The following TJP1 variants were observed in gnomAD, a reference collection of about 807,000 sequenced individuals.
TJP1 encodes tight junction protein 1.
TJP1 carries 43 observed loss-of-function variants against 194.2 expected under a neutral mutation model. The ratio of observed to expected loss-of-function variants is 0.22; its 90% CI spans 0.17 to 0.29. The LOEUF (loss-of-function observed/expected upper bound fraction) is 0.29. Among genes scored for constraint, TJP1 ranks in the 10% least tolerant of loss-of-function variants. The pLI is 1.00. For synonymous variants in TJP1, 801 were observed against 779.0 expected (o/e 1.03, Z -0.47); for missense variants, 1,971 against 2,185.7 (o/e 0.90, Z 1.96).
upstream of TJP1, chr15:29,822,542 G>A (rs2050483608): frequency 4.2e-6 from 4 of 957,268 alleles, no homozygotes; most frequent in Non-Finnish European, 5.0e-6. Flanking sequence ...GAGGCGAGGC[G>A]AGGCGGGGAG....
chr15:29,735,103 A>G (rs2043939622), intron 11 of TJP1, among the ~76,000 whole-genome samples: 1 of 152,240 alleles, frequency 6.6e-6, no homozygotes, highest in African/African-American at 2.4e-5. Context: ...TACTTCTATT[A>G]GAAGCTTCTA....
chr15:29,892,406 A>G (rs2053342099), intron 2 of TJP1, among the ~76,000 whole-genome samples: 1 of 152,238 alleles, frequency 6.6e-6, no homozygotes, highest in African/African-American at 2.4e-5. Flanking sequence ...ATCTGGTATG[A>G]TAATTGATAA....
At chr15:29,775,750 T>C (rs1023932391) in intron 2 of TJP1, among the ~76,000 whole-genome samples, 22 of 152,036 alleles carry the variant, frequency 1.4e-4, no homozygotes, top group Admixed American at 1.3e-4. Flanking sequence ...TTAGAAAACA[T>C]AAGACACTAC....
At chr15:29,706,542 C>CA (rs1404685848) in intron 25 of TJP1, among the ~76,000 whole-genome samples, 1 of 152,102 alleles carries the variant, frequency 6.6e-6, no homozygotes, top group African/African-American at 2.4e-5. Flanking sequence ...CTTCAGAACC[C>CA]AAGAAGTTTG....
intron 25 of TJP1, 90 bp from the exon 26 acceptor site, chr15:29,705,835 T>C: frequency 9.3e-7 from 1 of 1,070,736 alleles, no homozygotes; most frequent in East Asian, 2.4e-5. Flanking sequence ...CTTTCACTTT[T>C]ATTTCTCCAT....
At chr15:29,717,135 G>A (rs1329269416) in intron 22 of TJP1, among the ~76,000 whole-genome samples, 1 of 152,120 alleles carries the variant, frequency 6.6e-6, no homozygotes, top group Non-Finnish European at 1.5e-5. Context: ...AAGACAAAGG[G>A]CAATGTAACC....
intron 1 of TJP1, among the ~76,000 whole-genome samples, chr15:29,811,784 T>C (rs1567077387): frequency 6.6e-6 from 1 of 151,956 alleles, no homozygotes; most frequent in South Asian, 2.1e-4. Flanking sequence ...AATAAATAAA[T>C]GAATCCTCCT....
chr15:29,740,409 T>A (rs1595711174), intron 10 of TJP1, among the ~76,000 whole-genome samples: 1 of 152,066 alleles, frequency 6.6e-6, no homozygotes, highest in African/African-American at 2.4e-5. Context: ...GTGGACTGCT[T>A]GAGCCCAGGA....
intron 2 of TJP1, among the ~76,000 whole-genome samples, chr15:29,836,194 T>G (rs1324245259): frequency 6.6e-6 from 1 of 152,082 alleles, no homozygotes; most frequent in African/African-American, 2.4e-5. Context: ...AATACAGAGG[T>G]GGATCAGGAA....
chr15:29,724,321 AG>A (rs1362604412), intron 18 of TJP1, among the ~76,000 whole-genome samples: 4 of 152,220 alleles, frequency 2.6e-5, no homozygotes, highest in African/African-American at 9.6e-5. Context: ...CCTCTGAACA[AG>A]TCTCAATGGC....
intron 2 of TJP1, among the ~76,000 whole-genome samples, chr15:29,843,210 C>T (rs1343888501): frequency 2.0e-5 from 3 of 148,264 alleles, no homozygotes; most frequent in Non-Finnish European, 3.0e-5. Flanking sequence ...TTTTTTGAGA[C>T]GGAGTTTCGC....
At chr15:29,950,888 AT>A (rs1284635174) in intron 2 of TJP1, among the ~76,000 whole-genome samples, 1 of 152,140 alleles carries the variant, frequency 6.6e-6, no homozygotes, top group African/African-American at 2.4e-5. Flanking sequence ...GTAACCCCAT[AT>A]CCTTATCTGT....
intron 2 of TJP1, among the ~76,000 whole-genome samples, chr15:29,904,815 A>G (rs2053754535): frequency 1.3e-5 from 2 of 152,208 alleles, no homozygotes; most frequent in South Asian, 2.1e-4. Context: ...CCTAAGCACA[A>G]TGACTGGTGT....
intron 27 of TJP1, among the ~76,000 whole-genome samples, chr15:29,703,795 A>T (rs771981234): frequency 6.6e-6 from 1 of 151,992 alleles, no homozygotes; most frequent in Non-Finnish European, 1.5e-5. Context: ...GGTGTGTGCC[A>T]CCACGCCTGG....
intron 2 of TJP1, among the ~76,000 whole-genome samples, chr15:29,901,820 CAA>C (rs35491657): frequency 1.9e-3 from 223 of 119,906 alleles, no homozygotes; most frequent in Middle Eastern, 5.0e-3. Context: ...GACTCTATCT[CAA>C]AAAAAAAAAA....
intron 2 of TJP1, among the ~76,000 whole-genome samples, chr15:29,779,603 G>A (rs1329082763): frequency 6.6e-6 from 1 of 152,176 alleles, no homozygotes; most frequent in Non-Finnish European, 1.5e-5. Context: ...CTGACACAAA[G>A]TGGTTCACGA....
intron 2 of TJP1, among the ~76,000 whole-genome samples, chr15:29,892,418 G>A (rs960398294): frequency 4.6e-5 from 7 of 152,338 alleles, no homozygotes; most frequent in African/African-American, 1.7e-4. Context: ...AATTGATAAA[G>A]GTGGCTACAC....
chr15:29,750,425 C>T (rs760937488), intron 8 of TJP1, among the ~76,000 whole-genome samples: 16 of 152,210 alleles, frequency 1.1e-4, no homozygotes, highest in Non-Finnish European at 1.5e-5. Context: ...AGGTGTGAGC[C>T]ACTGCGCCCA....
chr15:29,776,828 G>A (rs2151683952), intron 2 of TJP1, among the ~76,000 whole-genome samples: 1 of 152,262 alleles, frequency 6.6e-6, no homozygotes, highest in South Asian at 2.1e-4. Flanking sequence ...TATGGTGGCA[G>A]ATAAAAATTT....
Sources: gnomAD v4.1 joint callset for allele counts (sites outside exome capture counted in the v4.1 genomes callset) on GRCh38, gnomAD v4.1.1 for gene constraint, MANE v1.5 for transcripts, NCBI Gene and HGNC (gene_info 2026-07-23, HGNC 2026-07-21) for gene names.